Variants in NPFFR2 observed in about 807,000 individuals in gnomAD.
NPFFR2 encodes the protein neuropeptide FF receptor 2, also known as G-protein coupled receptor 74.
Under a neutral mutation model 13.1 loss-of-function variants are expected in NPFFR2, and 15 were observed. That is an observed-to-expected ratio of 1.15 (90% CI 0.77 to 1.76). The LOEUF (loss-of-function observed/expected upper bound fraction) is 1.76. Ranked by LOEUF, NPFFR2 falls within the 40% of genes most tolerant of loss-of-function variation. The pLI, the probability that NPFFR2 is intolerant of heterozygous loss-of-function variation, is 0.00. For synonymous variants in NPFFR2, 190 were observed against 175.7 expected, an observed-to-expected ratio of 1.08 and a Z score of -0.65; for missense variants, 572 against 503.5, an observed-to-expected ratio of 1.14 and a Z score of -1.30.
At chr4:72,085,470 C>G (rs1166087585) in intron 1 of NPFFR2, among the ~76,000 whole-genome samples, 2 of 152,116 alleles carry the variant, frequency 1.3e-5, no homozygotes, top group African/African-American at 4.8e-5. Context: ...TTCTCTTTCT[C>G]TTACATGCCT....
intron 1 of NPFFR2, among the ~76,000 whole-genome samples, chr4:72,102,735 T>A (rs569688567): frequency 6.6e-6 from 1 of 151,994 alleles, no homozygotes; most frequent in Non-Finnish European, 1.5e-5. Flanking sequence ...TATTCCATGG[T>A]GTATATGTGC....
In NPFFR2 at chr4:72,128,742, T is replaced by G. The variant is rs1357016454; in HGVS notation, c.151T>G (p.Ser51Ala). 4 of 1,614,066 alleles carry G rather than the reference T, an allele frequency of 2.5e-6. No homozygotes were observed. The highest frequency in any genetic ancestry group is 3.4e-6 in the Non-Finnish European group (4 of 1,180,028). ...QPQVAAIFII[S>A]YFLIFFLCMM... ...TCAAGTGGCAGCAATCTTCATTATTTCCTACTTTCTGATCTTCTTTTTGTG... is the reference window on the plus strand; with the variant it reads ...TCAAGTGGCAGCAATCTTCATTATTGCCTACTTTCTGATCTTCTTTTTGTG... The change falls in exon 2 of 4, where the codon TCC (serine) becomes GCC (alanine). Residue 51 changes from serine (S) to alanine (A), a missense_variant. Coordinates refer to ENST00000308744, the MANE Select transcript of NPFFR2 (RefSeq NM_004885.3).
At chr4:72,070,510 C>A (rs927242011) in intron 1 of NPFFR2, among the ~76,000 whole-genome samples, 9 of 144,760 alleles carry the variant, frequency 6.2e-5, no homozygotes, top group Non-Finnish European at 1.2e-4. Flanking sequence ...GTTGGACAGG[C>A]AGTTGCTGGG....
At position 72,116,670 on chromosome 4, in the gene NPFFR2, A is replaced by C. The variant is rs1310840972; in HGVS notation, c.-7-11915A>C. 2.6e-5 allele frequency among the ~76,000 whole-genome samples: 4 copies of C among 152,340 alleles called. No individual in the cohort carries two copies. In the East Asian group the frequency reaches 7.7e-4, roughly 29 times the overall value. Reference sequence around the variant, plus strand: ...AAAATTAAGAGGGAAACCTATAAACAGTTCACTTGAGGTGTAAAAGTATAA... The same window carrying C: ...AAAATTAAGAGGGAAACCTATAAACCGTTCACTTGAGGTGTAAAAGTATAA... On this transcript the variant is annotated intron_variant, in intron 1 of 3. Transcript: ENST00000308744.
intron 1 of NPFFR2, among the ~76,000 whole-genome samples, chr4:72,094,509 G>A (rs1019746900): frequency 6.6e-6 from 1 of 152,146 alleles, no homozygotes; most frequent in Non-Finnish European, 1.5e-5. Flanking sequence ...CTCCTTGAGT[G>A]GGGCTTGCTG....
chr4:72,078,947 G>T (rs532546147), intron 1 of NPFFR2, among the ~76,000 whole-genome samples: 1 of 152,084 alleles, frequency 6.6e-6, no homozygotes, highest in East Asian at 1.9e-4. Flanking sequence ...GTGGGAGGTG[G>T]CTGTTGCTAT....
chr4:72,131,547 GTAAC>G (rs1722244079), intron 2 of NPFFR2, among the ~76,000 whole-genome samples: 1 of 151,928 alleles, frequency 6.6e-6, no homozygotes, highest in East Asian at 1.9e-4. Context: ...GTATACATAT[GTAAC>G]TAACCTGCAC....
In NPFFR2 at chr4:72,119,099, T is replaced by A. The variant is rs1721794169; in HGVS notation, c.-7-9486T>A. ...ATATATGCTGGTATAGCTAAAAAAA[T>A]TTGAGGATTAAAAAATCTCTTCTAT... On this transcript the variant is annotated intron_variant, in intron 1 of 3. Transcript: ENST00000308744. Among the ~76,000 whole-genome samples the A allele has an allele frequency of 2.0e-5, 3 of 152,124 alleles. No homozygotes were observed. In the South Asian group the frequency reaches 6.2e-4, roughly 32 times the overall value.
chr4:72,144,437 C>G (rs932051772), intron 3 of NPFFR2, among the ~76,000 whole-genome samples: 1 of 152,100 alleles, frequency 6.6e-6, no homozygotes, highest in Non-Finnish European at 1.5e-5. Flanking sequence ...TGTCAAAGAA[C>G]TTGGAAATGT....
intron 1 of NPFFR2, among the ~76,000 whole-genome samples, chr4:72,046,040 A>G (rs1719370955): frequency 6.6e-6 from 1 of 152,206 alleles, no homozygotes; most frequent in South Asian, 2.1e-4. Context: ...TAAACCATTA[A>G]TTAAAGAATG....
At chr4:72,137,029 C>A (rs1214533600) in intron 2 of NPFFR2, among the ~76,000 whole-genome samples, 1 of 152,070 alleles carries the variant, frequency 6.6e-6, no homozygotes, top group Non-Finnish European at 1.5e-5. Context: ...CAGTTTTTTG[C>A]ATTTTTGTTG....
At chr4:72,092,331 T>A (rs1720936689) in intron 1 of NPFFR2, among the ~76,000 whole-genome samples, 1 of 152,126 alleles carries the variant, frequency 6.6e-6, no homozygotes, top group African/African-American at 2.4e-5. Flanking sequence ...GGTAGAAGGT[T>A]CTGTAAATAT....
intron 1 of NPFFR2, among the ~76,000 whole-genome samples, chr4:72,107,729 A>T (rs935458458): frequency 6.6e-6 from 1 of 151,930 alleles, no homozygotes; most frequent in African/African-American, 2.4e-5. Context: ...ACTCCTCAAA[A>T]TGTTTTCCTA....
chr4:72,054,204 C>A (rs1719674029), intron 1 of NPFFR2, among the ~76,000 whole-genome samples: 1 of 151,604 alleles, frequency 6.6e-6, no homozygotes, highest in South Asian at 2.1e-4. Flanking sequence ...TTTAAATGAA[C>A]AAGTTTAATT....
intron 1 of NPFFR2, among the ~76,000 whole-genome samples, chr4:72,083,606 C>T (rs1055860895): frequency 2.6e-5 from 4 of 152,156 alleles, no homozygotes; most frequent in Non-Finnish European, 5.9e-5. Flanking sequence ...GATTCACTTC[C>T]TCTGCCTAAA....
intron 3 of NPFFR2, among the ~76,000 whole-genome samples, chr4:72,141,741 T>C (rs1250951791): frequency 6.6e-6 from 1 of 152,154 alleles, no homozygotes; most frequent in East Asian, 1.9e-4. Context: ...ATGCTGTTGA[T>C]TTGGGGTGGA....
chr4:72,135,157 A>C (rs943880009), intron 2 of NPFFR2, among the ~76,000 whole-genome samples: 1 of 152,094 alleles, frequency 6.6e-6, no homozygotes, highest in Non-Finnish European at 1.5e-5. Context: ...TCTTTTGCCC[A>C]TGATTTGTAT....
chr4:72,131,016 C>T (rs1201428227), intron 2 of NPFFR2, among the ~76,000 whole-genome samples: 1 of 152,054 alleles, frequency 6.6e-6, no homozygotes, highest in African/African-American at 2.4e-5. Flanking sequence ...CCTGGTTGAA[C>T]TCCTCTCCAA....
intron 1 of NPFFR2, among the ~76,000 whole-genome samples, chr4:72,111,217 A>C (rs1407255104): frequency 6.6e-6 from 1 of 152,006 alleles, no homozygotes; most frequent in Non-Finnish European, 1.5e-5. Context: ...TGCTTTGCAT[A>C]TTTGTTAAGT....
Sources: gnomAD v4.1 joint callset for allele counts (sites outside exome capture counted in the v4.1 genomes callset) on GRCh38, gnomAD v4.1.1 for gene constraint, MANE v1.5 for transcripts, NCBI Gene and HGNC (gene_info 2026-07-23, HGNC 2026-07-21) for gene names.